The following IL7 variants were observed in gnomAD, a reference collection of about 807,000 sequenced individuals.
The protein encoded by IL7 is interleukin 7.
A neutral mutation model predicts 21.6 loss-of-function variants in IL7; 3 were observed. The ratio of observed to expected loss-of-function variants is 0.14; its 90% CI spans 0.06 to 0.36. The LOEUF (loss-of-function observed/expected upper bound fraction) is 0.36. Among genes scored for constraint, IL7 ranks in the 10% least tolerant of loss-of-function variants. IL7 has a pLI of 1.00. For missense variants in IL7, 175 were observed against 200.2 expected (o/e 0.87, Z 0.76); for synonymous variants, 62 against 68.1 (o/e 0.91, Z 0.44).
At chr8:78,744,365 C>T (rs889655995) in intron 2 of IL7, among the ~76,000 whole-genome samples, 1 of 152,126 alleles carries the variant, frequency 6.6e-6, no homozygotes, top group African/African-American at 2.4e-5. Flanking sequence ...AGTCTGGCCA[C>T]GTGTTGGTAG....
At chr8:78,766,007 G>A (rs958058830) in intron 2 of IL7, among the ~76,000 whole-genome samples, 1 of 152,008 alleles carries the variant, frequency 6.6e-6, no homozygotes, top group African/African-American at 2.4e-5. Flanking sequence ...AATGAAATGA[G>A]CTATAAAGCA....
In IL7 at chr8:78,745,496, T is replaced by A. The variant is rs183701353; in HGVS notation, c.148-5414A>T. Among the ~76,000 whole-genome samples, 10 of 152,358 alleles carry A rather than the reference T, an allele frequency of 6.6e-5. No individual in the cohort carries two copies. In the East Asian group the frequency reaches 1.9e-3, roughly 29 times the overall value. ...CATACTATATTGTTTTTAGCTCTTT[T>A]TACATTGGTTTCTTAGAGACTTCAC... On this transcript the variant is annotated intron_variant, in intron 2 of 5. Coordinates refer to ENST00000263851, the MANE Select transcript of IL7 (RefSeq NM_000880.4).
intron 3 of IL7, among the ~76,000 whole-genome samples, chr8:78,687,175 C>T (rs977232279): frequency 1.3e-5 from 2 of 151,704 alleles, no homozygotes; most frequent in Non-Finnish European, 2.9e-5. Flanking sequence ...ACTGAGATAC[C>T]GAAAAACTTA....
At chr8:78,736,392 A>C in intron 5 of IL7, 82 bp downstream of exon 5, 1 of 831,340 alleles carries the variant, frequency 1.2e-6, no homozygotes, top group Non-Finnish European at 1.9e-6. Context: ...TATAAGAAGG[A>C]AACAATTCAA....
downstream of IL7, among the ~76,000 whole-genome samples, chr8:78,732,034 A>G (rs1811433860): frequency 6.6e-6 from 1 of 152,062 alleles, no homozygotes; most frequent in Non-Finnish European, 1.5e-5. Flanking sequence ...AGAAATGTAA[A>G]TTCCCTCATT....
chr8:78,769,508 CA>C (rs1812879727), intron 2 of IL7, among the ~76,000 whole-genome samples: 2 of 152,130 alleles, frequency 1.3e-5, no homozygotes, highest in South Asian at 4.1e-4. Context: ...AGGAGAACTA[CA>C]AATCACTGCT....
intron 2 of IL7, among the ~76,000 whole-genome samples, chr8:78,790,327 T>C (rs982227210): frequency 2.6e-5 from 4 of 152,092 alleles, no homozygotes; most frequent in Non-Finnish European, 5.9e-5. Flanking sequence ...TTTTTATGGA[T>C]AAAAAATATT....
intron 2 of IL7, among the ~76,000 whole-genome samples, chr8:78,751,565 A>G (rs2583764): frequency 0.28 from 43,110 of 152,070 alleles, 8,261 homozygotes; most frequent in African/African-American, 0.54. Flanking sequence ...GGAAGGAACA[A>G]CATCAGAGAA....
chr8:78,804,800 T>C (rs1814251754), intron 1 of IL7, 113 bp downstream of exon 1: 1 of 1,251,672 alleles, frequency 8.0e-7, no homozygotes, highest in Non-Finnish European at 1.1e-6. Context: ...AGGTCCAAAG[T>C]GCAAGGCCGG....
chr8:78,787,306 CTGTGCTA>C (rs1813545689), intron 2 of IL7, among the ~76,000 whole-genome samples: 1 of 152,018 alleles, frequency 6.6e-6, no homozygotes, highest in Non-Finnish European at 1.5e-5. Flanking sequence ...CAGCCTCAAC[CTGTGCTA>C]TGTGGTGCTG....
At chr8:78,782,653 G>A (rs72661378) in intron 2 of IL7, among the ~76,000 whole-genome samples, 9,743 of 152,104 alleles carry the variant, frequency 0.064, 339 homozygotes, top group Middle Eastern at 0.092. Context: ...TCTATATAAG[G>A]TATCTGGTGA....
At chr8:78,698,426 G>T in intron 3 of IL7, 1 of 1,611,956 alleles carries the variant, frequency 6.2e-7, no homozygotes, top group Non-Finnish European at 8.5e-7. Context: ...GTTCCTTCAG[G>T]TAAAGTGTCT....
intron 4 of IL7, among the ~76,000 whole-genome samples, chr8:78,679,723 T>C (rs1809704745): frequency 6.6e-6 from 1 of 152,190 alleles, no homozygotes; most frequent in Admixed American, 6.5e-5. Flanking sequence ...TTAATGGTAA[T>C]AACTTCTTCC....
intron 3 of IL7, among the ~76,000 whole-genome samples, chr8:78,696,788 T>C (rs1034243220): frequency 2.0e-5 from 3 of 152,194 alleles, no homozygotes; most frequent in African/African-American, 7.2e-5. Flanking sequence ...TAGGTCATCT[T>C]ACGGTTTTTA....
At chr8:78,714,712 C>A (rs1354620657), downstream of IL7, among the ~76,000 whole-genome samples, 1 of 152,152 alleles carries the variant, frequency 6.6e-6, no homozygotes, top group East Asian at 1.9e-4. Flanking sequence ...AAAATTAAAT[C>A]TTTAAAGGGA....
intron 2 of IL7, among the ~76,000 whole-genome samples, chr8:78,751,170 A>G (rs988402445): frequency 3.3e-5 from 5 of 151,986 alleles, no homozygotes; most frequent in Non-Finnish European, 5.9e-5. Context: ...CATACATGTA[A>G]TGGGAATATA....
Position 78,740,022 on chromosome 8 carries a change from G to A in IL7, c.208C>T (p.His70Tyr). The change falls in exon 3 of 6, where the codon CAT becomes TAT. Residue 70 changes from histidine to tyrosine, a missense_variant. Physicochemically the swap from His to Tyr is moderately conservative, Grantham distance 83. Coordinates refer to ENST00000263851, the MANE Select transcript of IL7 (RefSeq NM_000880.4). ...LNNEFNFFKR[H>Y]ICDANKEGMF... Reference sequence around the variant, plus strand: ...ATTACCTTATTAGCATCACAGATATGTCTTTTAAAAAAGTTAAATTCATTA... The same window carrying A: ...ATTACCTTATTAGCATCACAGATATATCTTTTAAAAAAGTTAAATTCATTA... 1 of 1,539,452 alleles carries A rather than the reference G, an allele frequency of 6.5e-7. No individual in the cohort carries two copies. Among genetic ancestry groups the A allele is most frequent in the East Asian group, 2.5e-5 (1 of 40,448 alleles).
intron 4 of IL7, chr8:78,678,535 G>A (rs760969794): frequency 4.5e-6 from 7 of 1,551,194 alleles, no homozygotes; most frequent in Non-Finnish European, 6.1e-6. Flanking sequence ...AAAAGAAAAT[G>A]ATAGGCTGCA....
intron 2 of IL7, among the ~76,000 whole-genome samples, chr8:78,784,837 G>A (rs970678502): frequency 5.9e-5 from 9 of 152,032 alleles, no homozygotes; most frequent in African/African-American, 2.2e-4. Flanking sequence ...TTTTCTCTTG[G>A]TTGGTTGGAT....
Sources: gnomAD v4.1 joint callset for allele counts (sites outside exome capture counted in the v4.1 genomes callset) on GRCh38, gnomAD v4.1.1 for gene constraint, MANE v1.5 for transcripts, NCBI Gene and HGNC (gene_info 2026-07-23, HGNC 2026-07-21) for gene names.